TIAM2: variants seen among roughly 807,000 people sequenced by gnomAD.
TIAM2 encodes TIAM Rac1 associated GEF 2, also known as rho guanine nucleotide exchange factor TIAM2.
In TIAM2, 80 loss-of-function variants were observed where a neutral mutation model predicts 152.9. The ratio of observed to expected loss-of-function variants is 0.52; its 90% CI spans 0.44 to 0.63. TIAM2 has a LOEUF of 0.63. Ranked by LOEUF, TIAM2 falls within the 30% of genes least tolerant of loss-of-function variation. The pLI, the probability that TIAM2 is intolerant of heterozygous loss-of-function variation, is 0.00. For missense variants in TIAM2, 1,965 were observed against 2,120.1 expected, an observed-to-expected ratio of 0.93 and a Z score of 1.44; for synonymous variants, 804 against 838.0, an observed-to-expected ratio of 0.96 and a Z score of 0.70.
chr6:155,027,901 A>G (rs1776644699), intron 1 of TIAM2, among the ~76,000 whole-genome samples: 1 of 102,642 alleles, frequency 9.7e-6, no homozygotes, highest in Non-Finnish European at 1.8e-5. Context: ...CATATATACT[A>G]TATAATATGT....
At chr6:155,018,392 G>A (rs1430674165) in intron 1 of TIAM2, among the ~76,000 whole-genome samples, 2 of 151,894 alleles carry the variant, frequency 1.3e-5, no homozygotes, top group Admixed American at 1.3e-4. Flanking sequence ...ACAGTGGCCA[G>A]GTGGATCACT....
intron 14 of TIAM2, among the ~76,000 whole-genome samples, chr6:155,210,492 GTTTT>G (rs1225853827): frequency 6.9e-6 from 1 of 144,992 alleles, no homozygotes; most frequent in South Asian, 2.2e-4. Context: ...TTGTGTGTGT[GTTTT>G]TTTTTTTCAA....
At chr6:155,012,215 C>T (rs1778501602) in intron 1 of TIAM2, among the ~76,000 whole-genome samples, 1 of 152,128 alleles carries the variant, frequency 6.6e-6, no homozygotes, top group South Asian at 2.1e-4. Flanking sequence ...TTCTCCACCC[C>T]TTGCGTTGTC....
chr6:155,086,444 C>T (rs1054156386), intron 1 of TIAM2, among the ~76,000 whole-genome samples: 1 of 152,168 alleles, frequency 6.6e-6, no homozygotes. Context: ...CGGCGACTTA[C>T]ACCTGTAATC....
intron 5 of TIAM2, among the ~76,000 whole-genome samples, chr6:155,140,458 G>A (rs1396628268): frequency 2.6e-5 from 4 of 152,124 alleles, no homozygotes; most frequent in African/African-American, 7.2e-5. Flanking sequence ...TTAATTCTGT[G>A]AGAATTTCTT....
chr6:155,048,200 G>C (rs1777245489), intron 1 of TIAM2, among the ~76,000 whole-genome samples: 1 of 152,128 alleles, frequency 6.6e-6, no homozygotes, highest in Non-Finnish European at 1.5e-5. Flanking sequence ...TGATCTGCCT[G>C]ACTTGGACTC....
At chr6:155,182,157 G>C (rs1177671892) in intron 12 of TIAM2, 69 bp from the exon 13 acceptor site, 2 of 1,260,888 alleles carry the variant, frequency 1.6e-6, no homozygotes, top group Non-Finnish European at 2.3e-6. Context: ...AGGAGATACT[G>C]CCGGTGTGGT....
At chr6:155,234,587 T>C (rs1437143835) in intron 15 of TIAM2, among the ~76,000 whole-genome samples, 1 of 152,204 alleles carries the variant, frequency 6.6e-6, no homozygotes, top group African/African-American at 2.4e-5. Flanking sequence ...TTATCTTTTG[T>C]AGCGATGGGT....
chr6:155,251,128 T>C (rs1783630421), intron 22 of TIAM2, 107 bp downstream of exon 22: 3 of 949,250 alleles, frequency 3.2e-6, no homozygotes, highest in African/African-American at 1.6e-5. Flanking sequence ...GGAGTCAGAA[T>C]TGCTATAATG....
chr6:155,146,768 ATTTTTTTTTT>A (rs373361803), intron 6 of TIAM2, among the ~76,000 whole-genome samples: 6 of 135,894 alleles, frequency 4.4e-5, no homozygotes, highest in African/African-American at 1.4e-4. Context: ...TGCCTGGCTA[ATTTTTTTTTT>A]TTTTTTTTTT....
chr6:155,059,589 TACAGATGAGAGCCACC>T (rs1777531966), intron 1 of TIAM2, among the ~76,000 whole-genome samples: 1 of 152,102 alleles, frequency 6.6e-6, no homozygotes, highest in Non-Finnish European at 1.5e-5. Context: ...GTGTTGGGAT[TACAGATGAGAGCCACC>T]ACACCCAGCC....
intron 1 of TIAM2, among the ~76,000 whole-genome samples, chr6:155,030,205 G>C (rs1045796974): frequency 6.6e-6 from 1 of 152,064 alleles, no homozygotes; most frequent in African/African-American, 2.4e-5. Flanking sequence ...GGGAGGAGAG[G>C]GAGGCAAGAT....
chr6:155,150,122 C>A (rs1779919018), intron 7 of TIAM2, among the ~76,000 whole-genome samples: 1 of 152,112 alleles, frequency 6.6e-6, no homozygotes, highest in Non-Finnish European at 1.5e-5. Context: ...TTTCTCATAT[C>A]TCATGTTGCC....
intron 2 of TIAM2, among the ~76,000 whole-genome samples, chr6:155,092,446 G>A (rs1315153493): frequency 6.6e-6 from 1 of 152,046 alleles, no homozygotes; most frequent in Admixed American, 6.6e-5. Context: ...ATGTAAAATG[G>A]GGATAATAAA....
Position 155,218,128 on chromosome 6 carries a change from C to A in TIAM2, c.3168+6821C>A, listed in dbSNP as rs190830688. On this transcript the variant is annotated intron_variant, in intron 15 of 26. Coordinates refer to ENST00000682666, the MANE Select transcript of TIAM2 (RefSeq NM_012454.4). This position sits in a 1 kb window ranked among gnomAD's most constrained non-coding sequence, Gnocchi z 4.5. Reference sequence around the variant, plus strand: ...GTTATGTTTTTGTTAGGCAGTCAAGCTAAAAGATAACTTATTTATAAACCG... The same window carrying A: ...GTTATGTTTTTGTTAGGCAGTCAAGATAAAAGATAACTTATTTATAAACCG... 1.3e-5 allele frequency among the ~76,000 whole-genome samples: 2 copies of A among 152,316 alleles called. No homozygotes were observed. The highest frequency in any genetic ancestry group is 2.9e-5 in the Non-Finnish European group (2 of 68,022).
chr6:155,078,177 TAGGACTAC>T (rs1482324096), intron 1 of TIAM2, among the ~76,000 whole-genome samples: 1 of 152,118 alleles, frequency 6.6e-6, no homozygotes, highest in Non-Finnish European at 1.5e-5. Flanking sequence ...CCCAAGTAGC[TAGGACTAC>T]AGGCATATGC....
intron 14 of TIAM2, among the ~76,000 whole-genome samples, chr6:155,192,333 T>C (rs938915612): frequency 1.3e-5 from 2 of 152,176 alleles, no homozygotes; most frequent in African/African-American, 2.4e-5. Flanking sequence ...AACACAGTTC[T>C]GGTATTCGGG....
chr6:155,077,131 G>GTTTA (rs573091737), intron 1 of TIAM2, among the ~76,000 whole-genome samples: 39 of 151,100 alleles, frequency 2.6e-4, no homozygotes, highest in African/African-American at 9.0e-4. Flanking sequence ...ACAGGAAGCT[G>GTTTA]TTCTATAAAC....
At chr6:155,067,089 G>C (rs368183669) in intron 1 of TIAM2, among the ~76,000 whole-genome samples, 2 of 152,162 alleles carry the variant, frequency 1.3e-5, no homozygotes, top group African/African-American at 4.8e-5. Context: ...TGGATTTGCA[G>C]GGTTACATTA....
Sources: gnomAD v4.1 joint callset for allele counts (sites outside exome capture counted in the v4.1 genomes callset) on GRCh38, gnomAD v4.1.1 for gene constraint, Gnocchi (gnomAD v3.1) non-coding constraint, MANE v1.5 for transcripts, NCBI Gene and HGNC (gene_info 2026-07-23, HGNC 2026-07-21) for gene names.